The following PCTP variants were observed in gnomAD, a reference collection of about 807,000 sequenced individuals.
PCTP encodes the protein phosphatidylcholine transfer protein, also known as START domain-containing protein 2.
In PCTP, 27 loss-of-function variants were observed where a neutral mutation model predicts 31.0. The ratio of observed to expected loss-of-function variants is 0.87; its 90% CI spans 0.64 to 1.20. PCTP has a LOEUF of 1.20. Among genes scored for constraint, PCTP ranks in the 50% most tolerant of loss-of-function variants. The pLI is 0.00. For synonymous variants in PCTP, 108 were observed against 101.2 expected (o/e 1.07, Z -0.40); for missense variants, 287 against 268.2 (o/e 1.07, Z -0.49).
At chr17:55,823,996 C>T (rs1905314273), downstream of PCTP, among the ~76,000 whole-genome samples, 1 of 152,188 alleles carries the variant, frequency 6.6e-6, no homozygotes, top group African/African-American at 2.4e-5. Flanking sequence ...GACTCCCACA[C>T]TCCTTGCTGC....
chr17:55,810,749 T>C (rs907165236), intron 3 of PCTP, among the ~76,000 whole-genome samples: 1 of 152,148 alleles, frequency 6.6e-6, no homozygotes, highest in Non-Finnish European at 1.5e-5. Context: ...GAGGAAACCA[T>C]AGTCAGGAGG....
At chr17:55,813,177 T>C (rs556169154) in intron 3 of PCTP, among the ~76,000 whole-genome samples, 134 of 152,352 alleles carry the variant, frequency 8.8e-4, no homozygotes, top group African/African-American at 3.0e-3. Context: ...CAGTTTTGTG[T>C]GTGCTTGTGA....
intron 2 of PCTP, 149 bp downstream of exon 2, chr17:55,767,601 A>C (rs984537458): frequency 2.1e-6 from 1 of 478,386 alleles, no homozygotes; most frequent in Non-Finnish European, 3.7e-6. Flanking sequence ...AGTAGCTGGG[A>C]CTACAGGCGC....
chr17:55,795,518 C>T lies in PCTP; in HGVS notation c.317+7864C>T, dbSNP rs948359284. Among the ~76,000 whole-genome samples the T allele has an allele frequency of 3.9e-5, 6 of 151,952 alleles. No homozygotes were observed. In the South Asian group the frequency reaches 6.2e-4, roughly 16 times the overall value. On this transcript the variant is annotated intron_variant, in intron 3 of 3. Transcript: ENST00000572536. Reference sequence around the variant, plus strand: ...TATCAAGGTGAGCCAAGAATTGTGCCGTAACTCTCTGAGAGCCAAATACTT... The same window carrying T: ...TATCAAGGTGAGCCAAGAATTGTGCTGTAACTCTCTGAGAGCCAAATACTT...
rs1464004263 is a variant in PCTP, at chr17:55,751,259, G to A, written c.141+15G>A. 1 of 1,530,382 alleles carries A rather than the reference G, an allele frequency of 6.5e-7. No homozygotes were observed. Among genetic ancestry groups the A allele is most frequent in the Non-Finnish European group, 8.8e-7 (1 of 1,137,772 alleles). 94.8% of individuals were successfully genotyped at this position (1,530,382 alleles called of 1,614,324 possible). Reference sequence around the variant, plus strand: ...TGCTGGACAAGGTAGCGGCCAACCCGCTGGAGGACCGCGGGGCCTAGAATG... The same window carrying A: ...TGCTGGACAAGGTAGCGGCCAACCCACTGGAGGACCGCGGGGCCTAGAATG... On this transcript the variant is annotated intron_variant, in intron 1 of 5. Transcript: ENST00000268896.
At chr17:55,823,581 G>A (rs1428106144), downstream of PCTP, among the ~76,000 whole-genome samples, 1 of 152,220 alleles carries the variant, frequency 6.6e-6, no homozygotes, top group Non-Finnish European at 1.5e-5. Flanking sequence ...ACTGGCAAGA[G>A]AAGTAAACAG....
chr17:55,795,211 G>A (rs578210691), intron 3 of PCTP, among the ~76,000 whole-genome samples: 92 of 152,120 alleles, frequency 6.0e-4, no homozygotes, highest in African/African-American at 2.2e-3. Context: ...AACATGTGAT[G>A]TTTACCCTTG....
intron 3 of PCTP, among the ~76,000 whole-genome samples, chr17:55,809,775 C>T (rs1024081099): frequency 3.3e-5 from 5 of 152,142 alleles, no homozygotes; most frequent in Non-Finnish European, 5.9e-5. Flanking sequence ...CCCGCCTCGG[C>T]GTCCCAAAAT....
At chr17:55,795,171 T>C (rs555398193) in intron 3 of PCTP, among the ~76,000 whole-genome samples, 1 of 152,198 alleles carries the variant, frequency 6.6e-6, no homozygotes, top group South Asian at 2.1e-4. Flanking sequence ...GGCATAAATG[T>C]GCAGTCGCAT....
intron 3 of PCTP, among the ~76,000 whole-genome samples, chr17:55,795,403 T>C (rs1263871567): frequency 2.0e-5 from 3 of 152,078 alleles, no homozygotes; most frequent in Non-Finnish European, 4.4e-5. Flanking sequence ...AAATGATTTA[T>C]GTCTTTGCAT....
chr17:55,814,595 A>G (rs1270774339), intron 3 of PCTP, among the ~76,000 whole-genome samples: 4 of 152,248 alleles, frequency 2.6e-5, no homozygotes, highest in South Asian at 2.1e-4. Context: ...AGCTGGTAGC[A>G]TCATTGCGTT....
downstream of PCTP, among the ~76,000 whole-genome samples, chr17:55,843,201 T>A (rs1020202471): frequency 6.6e-6 from 1 of 152,124 alleles, no homozygotes; most frequent in Non-Finnish European, 1.5e-5. Context: ...ATTATAATAA[T>A]GTTATATTAT....
At chr17:55,766,611 A>G (rs907609744) in intron 1 of PCTP, among the ~76,000 whole-genome samples, 3 of 151,984 alleles carry the variant, frequency 2.0e-5, no homozygotes, top group African/African-American at 7.3e-5. Flanking sequence ...TTATGGCTGC[A>G]TAGTATTCCA....
rs746693587 is a variant in PCTP, at chr17:55,776,098, TAAGA to T, written c.*3_*6del. On this transcript the variant is annotated stop_retained_variant and 3_prime_UTR_variant, in exon 6 of 6. Transcript: ENST00000268896. Reference sequence around the variant, plus strand: ...CTGTCAGAACTACCTCAAGAAAACCTAAGAAAGAGAACTGGGAACATTGCATCCA... The same window carrying T: ...CTGTCAGAACTACCTCAAGAAAACCTAAGAGAACTGGGAACATTGCATCCA... The T allele has an allele frequency of 3.7e-6, 6 of 1,613,770 alleles. No homozygotes were observed. In the South Asian group the frequency reaches 5.5e-5, roughly 15 times the overall value.
intron 1 of PCTP, among the ~76,000 whole-genome samples, chr17:55,761,738 A>G (rs1910351766): frequency 6.6e-6 from 1 of 151,864 alleles, no homozygotes; most frequent in South Asian, 2.1e-4. Context: ...GTTGTATCTC[A>G]ATTTAATATC....
chr17:55,822,505 A>G (rs1202686033), intron 3 of PCTP, among the ~76,000 whole-genome samples: 1 of 152,186 alleles, frequency 6.6e-6, no homozygotes, highest in Non-Finnish European at 1.5e-5. Context: ...GTCAGTTGGA[A>G]TATTTCAGTG....
intron 2 of PCTP, among the ~76,000 whole-genome samples, chr17:55,785,458 A>ACAC (rs1018154657): frequency 6.6e-6 from 1 of 152,172 alleles, no homozygotes; most frequent in African/African-American, 2.4e-5. Flanking sequence ...AAGCCAAGAC[A>ACAC]CACTGGAACT....
intron 2 of PCTP, among the ~76,000 whole-genome samples, chr17:55,786,474 A>G (rs547823270): frequency 6.6e-6 from 1 of 152,338 alleles, no homozygotes; most frequent in African/African-American, 2.4e-5. Flanking sequence ...CGTTGTGCAC[A>G]TGTACCCTAG....
rs533793001 is a variant in PCTP at position 55,771,078 on chromosome 17, T to C, written c.260-28T>C. 5 of 1,567,262 alleles carry C rather than the reference T, an allele frequency of 3.2e-6. No homozygotes were observed. In the African/African-American group the frequency reaches 4.1e-5, roughly 13 times the overall value. On this transcript the variant is annotated intron_variant, in intron 2 of 5. Coordinates refer to ENST00000268896, the MANE Select transcript of PCTP (RefSeq NM_021213.4). The stretch of plus-strand genomic sequence containing the variant: ...AGTTGTAGCTAAAAAGGCTTCCAGA[T>C]GCATTAACTTCTTTTGCTTTCCTTT...
Sources: gnomAD v4.1 joint callset for allele counts (sites outside exome capture counted in the v4.1 genomes callset) on GRCh38, gnomAD v4.1.1 for gene constraint, MANE v1.5 for transcripts, NCBI Gene and HGNC (gene_info 2026-07-23, HGNC 2026-07-21) for gene names.